The following LRP1B variants were observed in gnomAD, a reference collection of about 807,000 sequenced individuals.
LRP1B encodes low-density lipoprotein receptor-related protein 1B.
In LRP1B, 217 loss-of-function variants were observed where a neutral mutation model predicts 556.6. The observed-to-expected ratio is 0.39, with a 90% CI of 0.35 to 0.44. The LOEUF (loss-of-function observed/expected upper bound fraction) is 0.44. Among genes scored for constraint, LRP1B ranks in the 20% least tolerant of loss-of-function variants. The pLI is 1.00. For synonymous variants in LRP1B, 2,047 were observed against 1,865.8 expected, an observed-to-expected ratio of 1.10 and a Z score of -2.50; for missense variants, 5,053 against 5,620.8, an observed-to-expected ratio of 0.90 and a Z score of 3.23.
chr2:140,875,652 T>C (rs1367986460), intron 25 of LRP1B, among the ~76,000 whole-genome samples: 1 of 152,162 alleles, frequency 6.6e-6, no homozygotes, highest in Non-Finnish European at 1.5e-5. Context: ...AGAAAGTATG[T>C]CTTTTCTGAC....
chr2:142,091,437 T>A (rs918749236), intron 1 of LRP1B, among the ~76,000 whole-genome samples: 8 of 152,252 alleles, frequency 5.3e-5, no homozygotes, highest in Non-Finnish European at 1.2e-4. Flanking sequence ...GGCTGAAAAT[T>A]ATACTTCTTA....
intron 72 of LRP1B, among the ~76,000 whole-genome samples, chr2:140,360,367 T>G (rs1682450784): frequency 6.6e-6 from 1 of 151,554 alleles, no homozygotes; most frequent in South Asian, 2.1e-4. Flanking sequence ...CTTTAGGTCT[T>G]TTAGGAATGT....
At chr2:141,380,136 G>T (rs185422511) in intron 3 of LRP1B, among the ~76,000 whole-genome samples, 1 of 151,624 alleles carries the variant, frequency 6.6e-6, no homozygotes, top group African/African-American at 2.4e-5. Flanking sequence ...GCACTCACTA[G>T]TCCCCCAGAG....
chr2:140,427,387 T>C (rs144623393), intron 66 of LRP1B, among the ~76,000 whole-genome samples: 2,065 of 152,230 alleles, frequency 0.014, 22 homozygotes, highest in South Asian at 0.018. Context: ...TCCTTCACTA[T>C]AGGCAACCTT....
intron 51 of LRP1B, among the ~76,000 whole-genome samples, chr2:140,514,328 A>G (rs4309524): frequency 1.7e-3 from 260 of 152,068 alleles, no homozygotes; most frequent in African/African-American, 6.0e-3. Context: ...AGGCAGCATA[A>G]TGAAAAATAA....
chr2:140,433,050 A>C (rs1265614282), intron 66 of LRP1B, among the ~76,000 whole-genome samples: 2 of 152,184 alleles, frequency 1.3e-5, no homozygotes, highest in Non-Finnish European at 2.9e-5. Flanking sequence ...TAATAGAGGA[A>C]ATTAGATTAA....
chr2:140,328,463 GAAGAAAATGAAAGAAAAAAAAA>G (rs976743422), intron 79 of LRP1B, among the ~76,000 whole-genome samples: 1 of 132,094 alleles, frequency 7.6e-6, no homozygotes, highest in African/African-American at 2.6e-5. Context: ...TTGTAGGCTG[GAAGAAAATGAAAGAAAAAAAAA>G]AAGAAAATGA....
At chr2:140,333,471 G>A (rs576620775) in intron 79 of LRP1B, among the ~76,000 whole-genome samples, 3 of 152,040 alleles carry the variant, frequency 2.0e-5, no homozygotes, top group Admixed American at 6.6e-5. Flanking sequence ...TTAAAGCATG[G>A]GATGAAAACA....
At chr2:140,559,759 T>TG (rs1680863576) in intron 43 of LRP1B, among the ~76,000 whole-genome samples, 1 of 100,058 alleles carries the variant, frequency 1.0e-5, no homozygotes. Context: ...CATAAATAAT[T>TG]GAAAAAAAAA....
intron 2 of LRP1B, among the ~76,000 whole-genome samples, chr2:141,774,394 T>C (rs1574345313): frequency 6.6e-6 from 1 of 150,634 alleles, no homozygotes; most frequent in Non-Finnish European, 1.5e-5. Context: ...AGAGGGGAGG[T>C]CCCAGACCCT....
intron 7 of LRP1B, among the ~76,000 whole-genome samples, chr2:141,085,966 G>A (rs1427969259): frequency 2.6e-5 from 4 of 152,220 alleles, no homozygotes; most frequent in South Asian, 2.1e-4. Context: ...TTGTTTCATC[G>A]TGGTTAGATT....
At chr2:140,402,224 T>A (rs1473186783) in intron 66 of LRP1B, among the ~76,000 whole-genome samples, 1 of 152,182 alleles carries the variant, frequency 6.6e-6, no homozygotes, top group East Asian at 1.9e-4. Context: ...ATGGCAGGCC[T>A]TGGGTTCCAT....
intron 50 of LRP1B, among the ~76,000 whole-genome samples, chr2:140,516,574 T>TAA (rs1433609697): frequency 2.0e-5 from 3 of 151,998 alleles, no homozygotes; most frequent in African/African-American, 7.2e-5. Flanking sequence ...AGAAAGCAAA[T>TAA]ACATCAGGTA....
At chr2:142,043,237 A>C (rs1704124242) in intron 1 of LRP1B, among the ~76,000 whole-genome samples, 1 of 151,614 alleles carries the variant, frequency 6.6e-6, no homozygotes, top group African/African-American at 2.4e-5. Flanking sequence ...TCTGAAACAC[A>C]ATCCATATAA....
At position 141,775,474 on chromosome 2, in the gene LRP1B, G is replaced by T. The variant is rs13432043; in HGVS notation, c.205+34805C>A. On this transcript the variant is annotated intron_variant, in intron 2 of 90. Transcript: ENST00000389484. The stretch of plus-strand genomic sequence containing the variant: ...ATTAGTTAAATAAAATCTTTGACAT[G>T]TATTCATTGTTCATCAGTACAAGAG... 7.4e-3 allele frequency among the ~76,000 whole-genome samples: 1,120 copies of T among 152,236 alleles called. 18 individuals carry two copies. The highest frequency in any genetic ancestry group is 0.025 in the African/African-American group (1,035 of 41,542).
intron 3 of LRP1B, among the ~76,000 whole-genome samples, chr2:141,376,811 C>T (rs72846803): frequency 0.038 from 5,800 of 152,154 alleles, 173 homozygotes; most frequent in Middle Eastern, 0.075. Context: ...AATTATCAGA[C>T]TATAAAAACA....
intron 20 of LRP1B, among the ~76,000 whole-genome samples, chr2:140,938,233 T>G (rs933920961): frequency 1.3e-5 from 2 of 152,012 alleles, no homozygotes; most frequent in African/African-American, 4.8e-5. Flanking sequence ...AGATAAAACT[T>G]TTATGAAAGA....
intron 41 of LRP1B, among the ~76,000 whole-genome samples, chr2:140,671,647 A>G (rs771868111): frequency 5.3e-5 from 8 of 151,150 alleles, no homozygotes; most frequent in Non-Finnish European, 1.0e-4. Flanking sequence ...CATCCTTAAC[A>G]TTTTTTTCTC....
intron 59 of LRP1B, among the ~76,000 whole-genome samples, chr2:140,483,557 C>T (rs921095562): frequency 4.1e-5 from 6 of 145,308 alleles, no homozygotes; most frequent in African/African-American, 1.5e-4. Flanking sequence ...TGTTCAGACA[C>T]TCAAATATAT....
Sources: gnomAD v4.1 joint callset for allele counts (sites outside exome capture counted in the v4.1 genomes callset) on GRCh38, gnomAD v4.1.1 for gene constraint, MANE v1.5 for transcripts, NCBI Gene and HGNC (gene_info 2026-07-23, HGNC 2026-07-21) for gene names.